The following IL19 variants were observed in gnomAD, a reference collection of about 807,000 sequenced individuals.
The protein encoded by IL19 is interleukin 19, also known as interleukin-19.
A neutral mutation model predicts 19.5 loss-of-function variants in IL19; 15 were observed. The observed-to-expected ratio is 0.77, with a 90% confidence interval of 0.52 to 1.19. IL19 has a LOEUF of 1.19. Among genes scored for constraint, IL19 ranks in the 50% most tolerant of loss-of-function variants. The probability of loss-of-function intolerance (pLI) is 0.00; values close to 1 mark genes in which losing one functional copy is unlikely to be tolerated. For synonymous variants in IL19, 78 were observed against 78.3 expected, an observed-to-expected ratio of 1.00 and a Z score of 0.02; for missense variants, 199 against 213.1, an observed-to-expected ratio of 0.93 and a Z score of 0.41.
intron 1 of IL19, among the ~76,000 whole-genome samples, chr1:206,786,162 A>G (rs1478386812): frequency 6.6e-6 from 1 of 152,198 alleles, no homozygotes; most frequent in East Asian, 1.9e-4. Flanking sequence ...GATGGAAAAC[A>G]TAATGATACT....
At chr1:206,782,290 A>T (rs946830091) in intron 1 of IL19, among the ~76,000 whole-genome samples, 4 of 152,076 alleles carry the variant, frequency 2.6e-5, no homozygotes, top group African/African-American at 9.7e-5. Context: ...TAGAAGCAGG[A>T]TCCTCACAAC....
At position 206,842,722 on chromosome 1, in the gene IL19, C is replaced by T; in HGVS notation, c.*100C>T. 1.4e-6 allele frequency: 1 copy of T among 693,862 alleles called. No individual in the cohort carries two copies. Among genetic ancestry groups the T allele is most frequent in the Non-Finnish European group, 2.4e-6 (1 of 413,258 alleles). 43.0% of individuals were successfully genotyped at this position (693,862 alleles called of 1,614,324 possible). A position where few individuals can be genotyped will look rare whatever the true frequency, so the allele number is the denominator to read the frequency against. On this transcript the variant is annotated 3_prime_UTR_variant, in exon 7 of 7. Transcript: ENST00000659997. ...AAGGGGAAGGAGATGGGGAAGGCCC[C>T]TTGCAGCTGAAAGTCCCACTGGCTG...
chr1:206,807,172 TG>T (rs1341495591), intron 2 of IL19, among the ~76,000 whole-genome samples: 1 of 152,142 alleles, frequency 6.6e-6, no homozygotes, highest in African/African-American at 2.4e-5. Context: ...AACAGCAGCA[TG>T]GGGGTAACTG....
rs565218563 is a variant in IL19, at chr1:206,808,669, T to G, written c.-3+9663T>G. ...CAAGAAAACTCGCGGTAGGTTAAAC[T>G]CACAGAGGGTAGTGTAGAAAGTGTT... On this transcript the variant is annotated intron_variant, in intron 2 of 6. Coordinates refer to ENST00000659997, the MANE Select transcript of IL19 (RefSeq NM_153758.5). Among the ~76,000 whole-genome samples, 19 of 152,252 alleles carry G rather than the reference T, an allele frequency of 1.2e-4. 2 individuals are homozygous for G. The South Asian group carries it at 3.7e-3, about 30-fold the overall frequency.
At chr1:206,829,694 G>A (rs1676537358) in intron 2 of IL19, among the ~76,000 whole-genome samples, 2 of 152,162 alleles carry the variant, frequency 1.3e-5, no homozygotes, top group South Asian at 2.1e-4. Context: ...CCTACCTAGG[G>A]AAGAGTGGAT....
rs1171380939 is a variant in IL19 at position 206,842,756 on chromosome 1, CT to C, written c.*135del. 1.7e-6 allele frequency: 1 copy of C among 576,746 alleles called. No homozygotes were observed. Among genetic ancestry groups the C allele is most frequent in the Non-Finnish European group, 3.1e-6 (1 of 326,976 alleles). 35.7% of individuals were successfully genotyped at this position (576,746 alleles called of 1,614,324 possible). A position where few individuals can be genotyped will look rare whatever the true frequency, so the allele number is the denominator to read the frequency against. The stretch of plus-strand genomic sequence containing the variant: ...GAAAGTCCCACTGGCTGGCCTCAGG[CT>C]GTCTTATTCCGCTTGAAAATAGCCA... On this transcript the variant is annotated 3_prime_UTR_variant, in exon 7 of 7. Transcript: ENST00000659997.
intron 1 of IL19, among the ~76,000 whole-genome samples, chr1:206,792,367 G>T (rs192513140): frequency 6.6e-6 from 1 of 152,238 alleles, no homozygotes; most frequent in Admixed American, 6.5e-5. Context: ...GATGCTCCCT[G>T]ACAGGGCCAC....
rs528017796 is a variant in IL19, at chr1:206,776,084, T to A, written c.-149+5006T>A. On this transcript the variant is annotated intron_variant, in intron 1 of 6. Coordinates refer to ENST00000659997, the MANE Select transcript of IL19 (RefSeq NM_153758.5). ...TGTGGGAAGGGGAATACCTCTCTTC[T>A]TCCATCCCTGCTCCAAAATATTCTC... 1.2e-4 allele frequency among the ~76,000 whole-genome samples: 18 copies of A among 152,306 alleles called. No homozygotes were observed. The South Asian group carries it at 3.7e-3, about 32-fold the overall frequency.
At chr1:206,832,038 C>A in intron 2 of IL19, among the ~76,000 whole-genome samples, 1 of 152,316 alleles carries the variant, frequency 6.6e-6, no homozygotes, top group East Asian at 1.9e-4. Context: ...AGAGGGACTC[C>A]GAGCCAGGCA....
At chr1:206,775,562 T>C (rs571094745) in intron 1 of IL19, among the ~76,000 whole-genome samples, 2 of 152,350 alleles carry the variant, frequency 1.3e-5, no homozygotes, top group South Asian at 4.1e-4. Context: ...CATCAATATG[T>C]CTCATAGTAT....
At chr1:206,808,591 CAG>C (rs1398810559) in intron 2 of IL19, among the ~76,000 whole-genome samples, 2 of 151,688 alleles carry the variant, frequency 1.3e-5, no homozygotes, top group Non-Finnish European at 2.9e-5. Flanking sequence ...GGCACTGAGA[CAG>C]AGTAAATGGA....
intron 2 of IL19, among the ~76,000 whole-genome samples, chr1:206,819,441 G>A (rs1018237032): frequency 6.6e-6 from 1 of 151,876 alleles, no homozygotes; most frequent in Non-Finnish European, 1.5e-5. Flanking sequence ...AAAATTAGCC[G>A]GGTGTGTTGG....
At position 206,770,911 on chromosome 1, in the gene IL19, C is replaced by A. The variant is rs374619208; in HGVS notation, c.-316C>A. The A allele has an allele frequency of 1.9e-6, 3 of 1,614,024 alleles. No homozygotes were observed. The highest frequency in any genetic ancestry group is 2.5e-6 in the Non-Finnish European group (3 of 1,179,910). On this transcript the variant is annotated 5_prime_UTR_variant, in exon 1 of 7. Transcript: ENST00000659997. ...AAAAACTGATCTGCTACTTACACAG[C>A]GCCGTAGCCTCAGCCTGAGGGTCTT...
At chr1:206,775,933 G>A (rs1215598908) in intron 1 of IL19, among the ~76,000 whole-genome samples, 1 of 152,228 alleles carries the variant, frequency 6.6e-6, no homozygotes, top group Non-Finnish European at 1.5e-5. Flanking sequence ...TGAGCTTCTT[G>A]AGGCCAAAAG....
At position 206,770,940 on chromosome 1, in the gene IL19, G is replaced by T. The variant is rs5743626; in HGVS notation, c.-287G>T. ...GTAGCCTCAGCCTGAGGGTCTTCAG[G>T]TTCTCCCCCAGGGAGTTCACATGCG... On this transcript the variant is annotated 5_prime_UTR_variant, in exon 1 of 7. Transcript: ENST00000659997. The T allele has an allele frequency of 6.2e-7, 1 of 1,614,036 alleles. No individual in the cohort carries two copies. Among genetic ancestry groups the T allele is most frequent in the Non-Finnish European group, 8.5e-7 (1 of 1,180,026 alleles).
At chr1:206,840,773 G>C (rs1285801474) in intron 5 of IL19, among the ~76,000 whole-genome samples, 1 of 152,222 alleles carries the variant, frequency 6.6e-6, no homozygotes, top group African/African-American at 2.4e-5. Context: ...TGCTTTCCTA[G>C]TGCTGACAGT....
intron 2 of IL19, among the ~76,000 whole-genome samples, chr1:206,829,600 C>T (rs2102480831): frequency 6.6e-6 from 1 of 152,252 alleles, no homozygotes; most frequent in South Asian, 2.1e-4. Flanking sequence ...AGCAGATTTC[C>T]TGCTACTGGG....
At chr1:206,801,811 A>T (rs1434721446) in intron 2 of IL19, among the ~76,000 whole-genome samples, 1 of 152,224 alleles carries the variant, frequency 6.6e-6, no homozygotes, top group Non-Finnish European at 1.5e-5. Flanking sequence ...CCTGGTCATG[A>T]GCAACAGTGC....
At chr1:206,841,331 T>G (rs1677011359) in intron 6 of IL19, among the ~76,000 whole-genome samples, 1 of 152,220 alleles carries the variant, frequency 6.6e-6, no homozygotes, top group African/African-American at 2.4e-5. Flanking sequence ...CCTGTATGAT[T>G]TGGGGAAAGC....
Sources: allele counts gnomAD v4.1 joint callset (sites outside exome capture counted in the v4.1 genomes callset), GRCh38; gene constraint gnomAD v4.1.1; transcripts MANE v1.5; gene names NCBI Gene and HGNC (gene_info 2026-07-23, HGNC 2026-07-21).